The following ATP6V0A4 variants were observed in gnomAD, a reference collection of about 807,000 sequenced individuals.
ATP6V0A4 encodes the protein V-type proton ATPase 116 kDa subunit a 4.
ATP6V0A4 carries 86 observed loss-of-function variants against 107.3 expected under a neutral mutation model. The observed-to-expected ratio is 0.80, with a 90% CI of 0.67 to 0.96. ATP6V0A4 has a LOEUF of 0.96. ATP6V0A4 is among the 40% of genes least tolerant of loss of function. The probability of loss-of-function intolerance (pLI) is 0.00; values close to 1 mark genes in which losing one functional copy is unlikely to be tolerated. For synonymous variants in ATP6V0A4, 353 were observed against 381.4 expected (o/e 0.93, Z 0.87); for missense variants, 908 against 1,045.6 (o/e 0.87, Z 1.81).
At chr7:138,739,503 C>T (rs745750903) in intron 15 of ATP6V0A4, 37 bp downstream of exon 15, 2 of 1,610,916 alleles carry the variant, frequency 1.2e-6, no homozygotes, top group African/African-American at 2.7e-5. Flanking sequence ...CAAGATAGTT[C>T]ACATAAGAAA....
intron 18 of ATP6V0A4, among the ~76,000 whole-genome samples, chr7:138,726,773 G>A (rs1274007433): frequency 6.6e-6 from 1 of 152,092 alleles, no homozygotes; most frequent in Non-Finnish European, 1.5e-5. Context: ...AAGGGAACAG[G>A]CCTCCACGCC....
At chr7:138,734,777 C>CAAAAAAAAAAAAA (rs528307650) in intron 15 of ATP6V0A4, among the ~76,000 whole-genome samples, 1 of 108,978 alleles carries the variant, frequency 9.2e-6, no homozygotes, top group East Asian at 3.1e-4. Context: ...GACTCTGTCT[C>CAAAAAAAAAAAAA]AAAAAAAAAA....
rs2117278255 is a variant in ATP6V0A4 at position 138,747,629 on chromosome 7, C to T, written c.1181-65G>A. 6 of 1,595,942 alleles carry T rather than the reference C, an allele frequency of 3.8e-6. No homozygotes were observed. The South Asian group carries it at 4.5e-5, about 12-fold the overall frequency. ...AGCCTCGGGGCCCCCACCTCAGATTCCCTGCCACAGCTCCACGATTTGCAT... is the reference window on the plus strand; with the variant it reads ...AGCCTCGGGGCCCCCACCTCAGATTTCCTGCCACAGCTCCACGATTTGCAT... On this transcript the variant is annotated intron_variant, in intron 12 of 21. Transcript: ENST00000310018.
In ATP6V0A4 at chr7:138,771,267, A is replaced by G; in HGVS notation, c.-17-3T>C. 6.2e-7 allele frequency: 1 copy of G among 1,612,566 alleles called. No homozygotes were observed. The highest frequency in any genetic ancestry group is 8.5e-7 in the Non-Finnish European group (1 of 1,178,616). On this transcript the variant is annotated splice_polypyrimidine_tract_variant and splice_region_variant and intron_variant, in intron 2 of 21. Transcript: ENST00000310018. ...CACCATCTTGGCCCAGCCTCGGTCT[A>G]CAGGAGAAAAAGAAAAAGATATTAA...
chr7:138,711,627 C>T (rs1385043420), intron 20 of ATP6V0A4, among the ~76,000 whole-genome samples: 1 of 152,204 alleles, frequency 6.6e-6, no homozygotes, highest in African/African-American at 2.4e-5. Flanking sequence ...GGTTTTCTGC[C>T]TGCTACAGTG....
intron 2 of ATP6V0A4, among the ~76,000 whole-genome samples, chr7:138,778,364 CA>C (rs937688247): frequency 1.2e-4 from 17 of 144,512 alleles, no homozygotes; most frequent in South Asian, 4.4e-4. Context: ...GTCTCAAAAA[CA>C]AAAAAAAAAT....
rs140468111 is a variant in ATP6V0A4, at chr7:138,718,027, G to C, written c.2140-2146C>G. On this transcript the variant is annotated intron_variant, in intron 19 of 21. Transcript: ENST00000310018. The stretch of plus-strand genomic sequence containing the variant: ...CTGCAGTCACAGATGTCTGCGGAGG[G>C]AGACGTCCAGGAAGGAGTGGGGGGG... Among the ~76,000 whole-genome samples, 13 of 147,828 alleles carry C rather than the reference G, an allele frequency of 8.8e-5. 1 individual carries two copies. The highest frequency in any genetic ancestry group is 1.3e-4 in the African/African-American group (5 of 39,988).
intron 17 of ATP6V0A4, 27 bp downstream of exon 17, chr7:138,732,850 G>C (rs1391263378): frequency 3.7e-6 from 5 of 1,346,854 alleles, no homozygotes; most frequent in Admixed American, 2.4e-5. Flanking sequence ...TAAAAGAAGA[G>C]TAAAAAAAAA....
chr7:138,768,822 T>C lies in ATP6V0A4; in HGVS notation c.249A>G (p.Lys83=). The C allele has an allele frequency of 6.2e-7, 1 of 1,614,186 alleles. No homozygotes were observed. The highest frequency in any genetic ancestry group is 8.5e-7 in the Non-Finnish European group (1 of 1,180,046). Residue 83 remains lysine (K), a synonymous_variant, in exon 5 of 22, where the codon AAA becomes AAG. Coordinates refer to ENST00000310018, the MANE Select transcript of ATP6V0A4 (RefSeq NM_020632.3). The part of the protein sequence containing the change: ...QNEIVVQLLE[K]SPLTPLPREM... ...CCCGTGGGAGCGGGGTCAGTGGGCT[T>C]TTCTCGAGCAACTGAACTACAATCT...
At chr7:138,710,976 T>C (rs1160188612) in intron 20 of ATP6V0A4, among the ~76,000 whole-genome samples, 1 of 151,986 alleles carries the variant, frequency 6.6e-6, no homozygotes, top group Non-Finnish European at 1.5e-5. Context: ...ATAAATTAGG[T>C]TTTATGATGC....
chr7:138,733,976 C>A (rs2117242248), intron 16 of ATP6V0A4, among the ~76,000 whole-genome samples, 160 bp downstream of exon 16: 1 of 152,168 alleles, frequency 6.6e-6, no homozygotes, highest in Non-Finnish European at 1.5e-5. Context: ...CATTTCCAGC[C>A]AACCAGCTTG....
rs184230428 is a variant in ATP6V0A4, at chr7:138,763,246, G to A, written c.292-221C>T. Among the ~76,000 whole-genome samples, 17 of 152,008 alleles carry A rather than the reference G, an allele frequency of 1.1e-4. No homozygotes were observed. In the East Asian group the frequency reaches 3.1e-3, roughly 28 times the overall value. On this transcript the variant is annotated intron_variant, in intron 5 of 21. Transcript: ENST00000310018. Reference sequence around the variant, plus strand: ...TCTCTTAAGAGTTCCATCACCAAACGAGAGGATTAGGAAGTACTTGGAGGA... The same window carrying A: ...TCTCTTAAGAGTTCCATCACCAAACAAGAGGATTAGGAAGTACTTGGAGGA...
intron 17 of ATP6V0A4, among the ~76,000 whole-genome samples, chr7:138,730,814 T>C (rs761735028): frequency 1.3e-5 from 2 of 152,212 alleles, no homozygotes; most frequent in Non-Finnish European, 2.9e-5. Context: ...GGATGGCTCA[T>C]GGTTACCATC....
chr7:138,729,268 T>G (rs1050922552), intron 17 of ATP6V0A4, among the ~76,000 whole-genome samples: 15 of 152,210 alleles, frequency 9.9e-5, no homozygotes, highest in Non-Finnish European at 1.8e-4. Flanking sequence ...AGTCACTCGG[T>G]GGTACTCAAA....
rs539298222 is a variant in ATP6V0A4, at chr7:138,729,933, G to A, written c.1909-1071C>T. On this transcript the variant is annotated intron_variant, in intron 17 of 21. Transcript: ENST00000310018. Reference sequence around the variant, plus strand: ...GAGTCTCGCTCTGTTGCCTAGGCTGGAGTGCAGTGGCGCCATCTTGGCTCA... The same window carrying A: ...GAGTCTCGCTCTGTTGCCTAGGCTGAAGTGCAGTGGCGCCATCTTGGCTCA... Among the ~76,000 whole-genome samples the A allele has an allele frequency of 8.5e-5, 13 of 152,180 alleles. No individual in the cohort carries two copies. In the South Asian group the frequency reaches 2.7e-3, roughly 32 times the overall value.
intron 8 of ATP6V0A4, 101 bp downstream of exon 8, chr7:138,759,651 C>G: frequency 8.0e-7 from 1 of 1,250,102 alleles, no homozygotes; most frequent in Non-Finnish European, 1.2e-6. Flanking sequence ...AGATATTAGT[C>G]TCATCAAACT....
chr7:138,752,968 A>T (rs1019667618), intron 10 of ATP6V0A4, 131 bp from the exon 11 acceptor site: 5 of 1,519,656 alleles, frequency 3.3e-6, no homozygotes, highest in Non-Finnish European at 4.4e-6. Context: ...TGTGGCTGTC[A>T]CCTGGCCTTG....
intron 5 of ATP6V0A4, 135 bp from the exon 6 acceptor site, chr7:138,763,160 C>T (rs1806913524): frequency 1.9e-6 from 1 of 534,546 alleles, no homozygotes; most frequent in Non-Finnish European, 3.3e-6. Context: ...AATACACATA[C>T]ACACAGACAC....
At chr7:138,763,842 G>A (rs779622615) in intron 5 of ATP6V0A4, among the ~76,000 whole-genome samples, 3 of 150,980 alleles carry the variant, frequency 2.0e-5, no homozygotes, top group Non-Finnish European at 4.4e-5. Context: ...GAAATTAGCC[G>A]GGCAAAACTC....
Sources: allele counts gnomAD v4.1 joint callset (sites outside exome capture counted in the v4.1 genomes callset), GRCh38; gene constraint gnomAD v4.1.1; transcripts MANE v1.5; gene names NCBI Gene and HGNC (gene_info 2026-07-23, HGNC 2026-07-21).